TENM4: variants seen among roughly 807,000 people sequenced by gnomAD.
TENM4 encodes the protein teneurin-4.
In TENM4, 82 loss-of-function variants were observed where a neutral mutation model predicts 243.3. The observed-to-expected ratio is 0.34, with a 90% CI of 0.28 to 0.40. The LOEUF (loss-of-function observed/expected upper bound fraction) is 0.40. Ranked by LOEUF, TENM4 falls within the 10% of genes least tolerant of loss-of-function variation. The pLI, the probability that TENM4 is intolerant of heterozygous loss-of-function variation, is 1.00. For synonymous variants in TENM4, 1,412 were observed against 1,456.3 expected, an observed-to-expected ratio of 0.97 and a Z score of 0.69; for missense variants, 3,138 against 3,673.3, an observed-to-expected ratio of 0.85 and a Z score of 3.77.
At chr11:79,147,577 C>A (rs1396572468) in intron 4 of TENM4, among the ~76,000 whole-genome samples, 1 of 152,064 alleles carries the variant, frequency 6.6e-6, no homozygotes, top group African/African-American at 2.4e-5. Context: ...GTTCTTTTCT[C>A]TCCTTATGAG....
intron 12 of TENM4, among the ~76,000 whole-genome samples, chr11:78,831,273 G>T (rs999103757): frequency 6.6e-6 from 1 of 152,220 alleles, no homozygotes; most frequent in Admixed American, 6.5e-5. Flanking sequence ...TCATCTGCAT[G>T]TCTGCCTGCT....
chr11:79,004,055 T>TTTATGG (rs1280483697), intron 6 of TENM4, among the ~76,000 whole-genome samples: 4 of 150,316 alleles, frequency 2.7e-5, no homozygotes, highest in African/African-American at 4.9e-5. Flanking sequence ...AGGGCATTAC[T>TTTATGG]TAATGGTAAA....
chr11:78,784,630 C>T (rs541291426), intron 16 of TENM4, among the ~76,000 whole-genome samples: 2 of 152,242 alleles, frequency 1.3e-5, no homozygotes, highest in African/African-American at 2.4e-5. Flanking sequence ...TATTTAGGAC[C>T]GTCAACCTTA....
At chr11:78,950,346 A>T (rs564301535) in intron 6 of TENM4, among the ~76,000 whole-genome samples, 1 of 152,070 alleles carries the variant, frequency 6.6e-6, no homozygotes, top group Non-Finnish European at 1.5e-5. Context: ...ATGTGCATGC[A>T]GCTTGATCCT....
intron 28 of TENM4, among the ~76,000 whole-genome samples, chr11:78,694,982 G>A (rs1208174049): frequency 6.6e-6 from 1 of 152,124 alleles, no homozygotes; most frequent in Non-Finnish European, 1.5e-5. Context: ...CCTGGGGGTT[G>A]GTAATGGCTA....
chr11:79,167,956 C>A (rs892224526), intron 3 of TENM4, among the ~76,000 whole-genome samples: 2 of 152,244 alleles, frequency 1.3e-5, no homozygotes, highest in Non-Finnish European at 2.9e-5. Context: ...CACTGACACC[C>A]ACATCATTAA....
At chr11:79,138,887 A>G (rs1248473374) in intron 4 of TENM4, among the ~76,000 whole-genome samples, 2 of 117,274 alleles carry the variant, frequency 1.7e-5, no homozygotes, top group Non-Finnish European at 3.2e-5. Context: ...ATAAATATAT[A>G]AAATATATAT....
rs1041204139 is a variant in TENM4 at position 79,370,396 on chromosome 11, G to A, written c.-321+70113C>T. 5.3e-5 allele frequency among the ~76,000 whole-genome samples: 8 copies of A among 152,228 alleles called. No individual in the cohort carries two copies. The East Asian group carries it at 9.6e-4, about 18-fold the overall frequency. On this transcript the variant is annotated intron_variant, in intron 1 of 33. Transcript: ENST00000278550. The stretch of plus-strand genomic sequence containing the variant: ...GCTGCTGGCCGCCTCATCTCAAGCC[G>A]TTGTGGTGGCAGCCCTCCTGGGGGA...
rs117282194 is a variant in TENM4 at position 79,210,857 on chromosome 11, T to C, written c.-163+4951A>G. On this transcript the variant is annotated intron_variant, in intron 3 of 33. Transcript: ENST00000278550. ...GAATTAGTAGTGGATGACTTTTATC[T>C]GCCTATTGGTGACCATAGCCCTCTG... 4.6e-3 allele frequency among the ~76,000 whole-genome samples: 704 copies of C among 152,340 alleles called. 12 individuals carry two copies. The highest frequency in any genetic ancestry group is 0.036 in the East Asian group (189 of 5,184).
At chr11:79,391,415 C>T (rs1294082313) in intron 1 of TENM4, among the ~76,000 whole-genome samples, 1 of 50,500 alleles carries the variant, frequency 2.0e-5, no homozygotes, top group Admixed American at 1.9e-4. Context: ...GAACCAGGCT[C>T]CCCTAGGGTA....
intron 6 of TENM4, among the ~76,000 whole-genome samples, chr11:78,930,330 A>G (rs1856640907): frequency 6.6e-6 from 1 of 152,168 alleles, no homozygotes; most frequent in Non-Finnish European, 1.5e-5. Context: ...CTACTCAGAA[A>G]CCTTCTGTGG....
chr11:79,302,294 C>G (rs2135400187), intron 1 of TENM4, among the ~76,000 whole-genome samples: 1 of 152,262 alleles, frequency 6.6e-6, no homozygotes, highest in South Asian at 2.1e-4. Context: ...TCAAGAAGGA[C>G]TGTTCCATTT....
At chr11:79,305,629 C>A (rs1224428671) in intron 1 of TENM4, among the ~76,000 whole-genome samples, 1 of 152,174 alleles carries the variant, frequency 6.6e-6, no homozygotes, top group Non-Finnish European at 1.5e-5. Context: ...AACCTCTGAC[C>A]GAGCACAGGG....
At chr11:78,848,552 C>T (rs886585672) in intron 12 of TENM4, among the ~76,000 whole-genome samples, 3 of 152,154 alleles carry the variant, frequency 2.0e-5, no homozygotes, top group African/African-American at 7.2e-5. Flanking sequence ...TCTTTAAGGT[C>T]CAAATTAAAT....
chr11:79,395,244 C>G (rs549467015), intron 1 of TENM4, among the ~76,000 whole-genome samples: 2 of 152,288 alleles, frequency 1.3e-5, no homozygotes, highest in African/African-American at 4.8e-5. Flanking sequence ...CCTTCCAGTC[C>G]CTTGCTGTCA....
At chr11:79,130,281 TG>T (rs1276930731) in intron 4 of TENM4, among the ~76,000 whole-genome samples, 3 of 151,982 alleles carry the variant, frequency 2.0e-5, no homozygotes. Context: ...GCTACCCAAA[TG>T]AGAAGAAAAC....
intron 6 of TENM4, 104 bp downstream of exon 6, chr11:79,064,634 C>T (rs1181072148): frequency 6.9e-7 from 1 of 1,454,964 alleles, no homozygotes; most frequent in African/African-American, 1.4e-5. Flanking sequence ...CAATTTTTCA[C>T]CAACTTCACC....
At chr11:79,188,139 G>A (rs908381263) in intron 3 of TENM4, among the ~76,000 whole-genome samples, 5 of 152,156 alleles carry the variant, frequency 3.3e-5, no homozygotes, top group Non-Finnish European at 5.9e-5. Flanking sequence ...CTCTCTTCAC[G>A]AAGGGCTTCT....
intron 12 of TENM4, 38 bp downstream of exon 12, chr11:78,854,066 C>A (rs571876614): frequency 6.5e-7 from 1 of 1,532,116 alleles, no homozygotes; most frequent in Non-Finnish European, 8.8e-7. Context: ...CCAAAAGAGA[C>A]AATATCCCAC....
Sources: allele counts gnomAD v4.1 joint callset (sites outside exome capture counted in the v4.1 genomes callset), GRCh38; gene constraint gnomAD v4.1.1; transcripts MANE v1.5; gene names NCBI Gene and HGNC (gene_info 2026-07-23, HGNC 2026-07-21).